Variants in CDH18 observed in about 807,000 individuals in gnomAD.
CDH18 encodes cadherin 18.
Under a neutral mutation model 67.9 loss-of-function variants are expected in CDH18, and 31 were observed. The ratio of observed to expected loss-of-function variants is 0.46; its 90% CI spans 0.34 to 0.62. The LOEUF (loss-of-function observed/expected upper bound fraction) is 0.62, where lower values mean the gene tolerates loss of function less well. CDH18 is among the 20% of genes least tolerant of loss of function. The pLI is 0.01. For missense variants in CDH18, 890 were observed against 975.5 expected (o/e 0.91, Z 1.17); for synonymous variants, 362 against 347.2 (o/e 1.04, Z -0.48).
chr5:20,421,712 A>C (rs1747873721), intron 1 of CDH18, among the ~76,000 whole-genome samples: 1 of 150,986 alleles, frequency 6.6e-6, no homozygotes, highest in Non-Finnish European at 1.5e-5. Context: ...GTAAAACTTG[A>C]ATGTGTTTCA....
chr5:20,231,345 C>G (rs973639958), intron 2 of CDH18, among the ~76,000 whole-genome samples: 2 of 152,056 alleles, frequency 1.3e-5, no homozygotes, highest in African/African-American at 2.4e-5. Context: ...CACATTGGCT[C>G]GTGCCTGTAA....
chr5:19,681,077 C>T (rs1290701812), intron 5 of CDH18, among the ~76,000 whole-genome samples: 1 of 151,880 alleles, frequency 6.6e-6, no homozygotes, highest in East Asian at 1.9e-4. Flanking sequence ...GAACACTATG[C>T]CACCTTAAAA....
chr5:19,836,183 T>G (rs559714583), intron 3 of CDH18, among the ~76,000 whole-genome samples: 2 of 152,274 alleles, frequency 1.3e-5, no homozygotes, highest in East Asian at 3.9e-4. Flanking sequence ...CTTGGTTTAT[T>G]CCAAAAAGGG....
At chr5:19,868,249 A>G (rs1474039718) in intron 2 of CDH18, among the ~76,000 whole-genome samples, 1 of 152,184 alleles carries the variant, frequency 6.6e-6, no homozygotes, top group Non-Finnish European at 1.5e-5. Context: ...AGTTTCCTCT[A>G]TCCCTCTCCC....
intron 1 of CDH18, among the ~76,000 whole-genome samples, chr5:20,370,655 T>C (rs1340367297): frequency 6.6e-6 from 1 of 152,152 alleles, no homozygotes; most frequent in Non-Finnish European, 1.5e-5. Flanking sequence ...GAGAATGCCA[T>C]ACTTAGATAT....
rs188957531 is a variant in CDH18 at position 20,021,636 on chromosome 5, C to G, written c.-517-29622G>C. On this transcript the variant is annotated intron_variant, in intron 2 of 14. Transcript: ENST00000507958. ...AATAGCTAAGACAATGGGGAAAATG[C>G]CTCGAAGGCATTTCCTGCTTTCCCT... Among the ~76,000 whole-genome samples, 8 of 152,216 alleles carry G rather than the reference C, an allele frequency of 5.3e-5. No homozygotes were observed. In the East Asian group the frequency reaches 1.6e-3, roughly 30 times the overall value.
intron 2 of CDH18, among the ~76,000 whole-genome samples, chr5:20,252,092 T>C (rs1743901982): frequency 6.6e-6 from 1 of 152,038 alleles, no homozygotes; most frequent in African/African-American, 2.4e-5. Context: ...CAACTGTATA[T>C]AAAAAATATT....
At chr5:20,269,692 G>T (rs78306282) in intron 1 of CDH18, among the ~76,000 whole-genome samples, 1 of 151,992 alleles carries the variant, frequency 6.6e-6, no homozygotes, top group African/African-American at 2.4e-5. Context: ...TGTAGAAAAC[G>T]AAATTATAGA....
chr5:19,639,237 C>G (rs1389369808), intron 5 of CDH18, among the ~76,000 whole-genome samples: 1 of 151,932 alleles, frequency 6.6e-6, no homozygotes, highest in Non-Finnish European at 1.5e-5. Flanking sequence ...CTCCTAATCT[C>G]GTGATCTGCC....
intron 2 of CDH18, among the ~76,000 whole-genome samples, chr5:20,015,512 C>T (rs1369718143): frequency 6.6e-6 from 1 of 152,154 alleles, no homozygotes; most frequent in African/African-American, 2.4e-5. Context: ...CATGTTTACA[C>T]TCATGGCCAA....
rs1561905918 is a variant in CDH18 at position 20,242,617 on chromosome 5, T to TAC, written c.-518+12826_-518+12827insGT. Among the ~76,000 whole-genome samples, 17 of 121,670 alleles carry TAC rather than the reference T, an allele frequency of 1.4e-4. 1 individual carries two copies. The highest frequency in any genetic ancestry group is 5.2e-4 in the African/African-American group (15 of 28,810). The allele number at this position is 121,670 out of a possible 152,430, so 79.8% of individuals were successfully genotyped here. A position where few individuals can be genotyped will look rare whatever the true frequency, so the allele number is the denominator to read the frequency against. On this transcript the variant is annotated intron_variant, in intron 2 of 14. Transcript: ENST00000507958. ...GAGGGAAAAAAAAAAAAAAAATATATATATATATATATATATGTATATATA... is the reference window on the plus strand; with the variant it reads ...GAGGGAAAAAAAAAAAAAAAATATATACATATATATATATATATGTATATATA...
intron 2 of CDH18, among the ~76,000 whole-genome samples, chr5:20,024,262 A>T (rs1738692428): frequency 1.3e-5 from 2 of 152,212 alleles, no homozygotes; most frequent in Non-Finnish European, 2.9e-5. Flanking sequence ...TTTAGAGTTC[A>T]ATTTTGCTTA....
chr5:20,324,201 G>C (rs1445902290), intron 1 of CDH18, among the ~76,000 whole-genome samples: 1 of 152,148 alleles, frequency 6.6e-6, no homozygotes, highest in Admixed American at 6.6e-5. Flanking sequence ...TGTATTTTTA[G>C]AATACAGACT....
intron 2 of CDH18, among the ~76,000 whole-genome samples, chr5:19,952,102 G>A (rs1043516201): frequency 2.0e-5 from 3 of 151,872 alleles, no homozygotes; most frequent in African/African-American, 4.8e-5. Flanking sequence ...AGGCTGGAGC[G>A]CAGTGGCGCC....
chr5:19,972,660 C>A (rs1798137560), intron 2 of CDH18, among the ~76,000 whole-genome samples: 1 of 151,906 alleles, frequency 6.6e-6, no homozygotes, highest in Non-Finnish European at 1.5e-5. Context: ...AAAAATATAT[C>A]TCATAATGGT....
intron 5 of CDH18, among the ~76,000 whole-genome samples, chr5:19,715,160 C>A (rs1376370795): frequency 1.3e-5 from 2 of 152,036 alleles, no homozygotes; most frequent in African/African-American, 4.8e-5. Context: ...ATAGAGAAAT[C>A]ATTCCTAGAC....
intron 1 of CDH18, among the ~76,000 whole-genome samples, chr5:20,319,598 C>T (rs1737800931): frequency 6.6e-6 from 1 of 152,022 alleles, no homozygotes; most frequent in Non-Finnish European, 1.5e-5. Flanking sequence ...ATTTAGCTTG[C>T]ATAACCACAA....
At chr5:19,976,592 G>A (rs1181047674) in intron 2 of CDH18, among the ~76,000 whole-genome samples, 1 of 152,112 alleles carries the variant, frequency 6.6e-6, no homozygotes, top group Admixed American at 6.6e-5. Context: ...GTAGTATAAG[G>A]TAGATGGTCT....
At chr5:19,599,052 A>G (rs1428155223) in intron 6 of CDH18, among the ~76,000 whole-genome samples, 6 of 152,124 alleles carry the variant, frequency 3.9e-5, no homozygotes, top group Admixed American at 6.5e-5. Flanking sequence ...ATATGACTCA[A>G]TTGATAATGT....
Sources: allele counts gnomAD v4.1 joint callset (sites outside exome capture counted in the v4.1 genomes callset), GRCh38; gene constraint gnomAD v4.1.1; transcripts MANE v1.5; gene names NCBI Gene and HGNC (gene_info 2026-07-23, HGNC 2026-07-21).